Variants in GNA15 observed in about 807,000 individuals in gnomAD.
The protein encoded by GNA15 is guanine nucleotide-binding protein subunit alpha-15.
GNA15 carries 23 observed loss-of-function variants against 40.1 expected under a neutral mutation model. The observed-to-expected ratio is 0.57, with a 90% CI of 0.41 to 0.81. The LOEUF (loss-of-function observed/expected upper bound fraction) is 0.81, where lower values mean the gene tolerates loss of function less well. GNA15 is among the 40% of genes least tolerant of loss of function. The pLI, the probability that GNA15 is intolerant of heterozygous loss-of-function variation, is 0.00. For synonymous variants in GNA15, 226 were observed against 210.4 expected, an observed-to-expected ratio of 1.07 and a Z score of -0.64; for missense variants, 522 against 515.8, an observed-to-expected ratio of 1.01 and a Z score of -0.12.
At chr19:3,161,892 G>A (rs771118814) in intron 6 of GNA15, among the ~76,000 whole-genome samples, 51 of 151,786 alleles carry the variant, frequency 3.4e-4, no homozygotes, top group Non-Finnish European at 1.5e-4. Context: ...AATTAGCTGG[G>A]TGTGGTGGCG....
intron 6 of GNA15, 118 bp downstream of exon 6, chr19:3,157,999 C>T (rs1223523527): frequency 9.0e-6 from 7 of 779,066 alleles, no homozygotes; most frequent in Non-Finnish European, 1.5e-5. Context: ...AGGATCAGAC[C>T]CGCGTTCTAG....
Position 3,151,561 on chromosome 19 carries a change from C to T in GNA15, c.486-146C>T. 1 of 879,538 alleles carries T rather than the reference C, an allele frequency of 1.1e-6. No individual in the cohort carries two copies. Among genetic ancestry groups the T allele is most frequent in the Non-Finnish European group, 1.7e-6 (1 of 597,590 alleles). The allele number at this position is 879,538 out of a possible 1,614,324, so 54.5% of individuals were successfully genotyped here. On this transcript the variant is annotated intron_variant, in intron 3 of 6. Transcript: ENST00000262958. This position sits in a 1 kb window ranked among gnomAD's most constrained non-coding sequence, Gnocchi z 5.0. ...CCATTGCCTCAGGTGGGGGACGCTC[C>T]TGGGCCATCTGCCAACTCCAGGGAC...
At chr19:3,144,567 C>G (rs546996700) in intron 1 of GNA15, among the ~76,000 whole-genome samples, 13 of 152,072 alleles carry the variant, frequency 8.5e-5, no homozygotes, top group Non-Finnish European at 1.8e-4. Flanking sequence ...CTCGCTCTGT[C>G]ACCCAGGCTG....
intron 5 of GNA15, among the ~76,000 whole-genome samples, 161 bp from the exon 6 acceptor site, chr19:3,157,549 TGTCAGGCACACCCAGGCA>T (rs1167507231): frequency 6.6e-6 from 1 of 152,138 alleles, no homozygotes; most frequent in Non-Finnish European, 1.5e-5. Context: ...CACAAAACCA[TGTCAGGCACACCCAGGCA>T]GCTGTCCATA....
chr19:3,151,875 G>T lies in GNA15; in HGVS notation c.614+40G>T. On this transcript the variant is annotated intron_variant, in intron 4 of 6. Coordinates refer to ENST00000262958, the MANE Select transcript of GNA15 (RefSeq NM_002068.4). This position sits in a 1 kb window ranked among gnomAD's most constrained non-coding sequence, Gnocchi z 5.0. The stretch of plus-strand genomic sequence containing the variant: ...TAGGCCCAGCCTAGGGGGCAGGGAA[G>T]GCTTCCTGTAGGAAGGGCAAAGGAG... The T allele has an allele frequency of 6.6e-7, 1 of 1,508,258 alleles. No homozygotes were observed. The highest frequency in any genetic ancestry group is 9.0e-7 in the Non-Finnish European group (1 of 1,107,654). 93.4% of individuals were successfully genotyped at this position (1,508,258 alleles called of 1,614,324 possible).
intron 6 of GNA15, among the ~76,000 whole-genome samples, chr19:3,158,500 G>A (rs1614080): frequency 0.21 from 31,412 of 152,020 alleles, 3,452 homozygotes; most frequent in Non-Finnish European, 0.25. Flanking sequence ...TTTGAGCCAA[G>A]ATCCTTCAAG....
intron 2 of GNA15, 85 bp downstream of exon 2, chr19:3,148,860 C>T (rs1213875123): frequency 1.4e-6 from 2 of 1,388,858 alleles, no homozygotes; most frequent in African/African-American, 2.9e-5. Context: ...GCCAAGTTCC[C>T]CAGACTTCAG....
rs370928852 is a variant in GNA15, at chr19:3,151,864, G to C, written c.614+29G>C. The stretch of plus-strand genomic sequence containing the variant: ...AGCGCTCCACCTAGGCCCAGCCTAG[G>C]GGGCAGGGAAGGCTTCCTGTAGGAA... On this transcript the variant is annotated intron_variant, in intron 4 of 6. Transcript: ENST00000262958. This position sits in a 1 kb window ranked among gnomAD's most constrained non-coding sequence, Gnocchi z 5.0. 5 of 1,553,986 alleles carry C rather than the reference G, an allele frequency of 3.2e-6. No homozygotes were observed. The highest frequency in any genetic ancestry group is 3.5e-6 in the Non-Finnish European group (4 of 1,144,778).
intron 5 of GNA15, 133 bp downstream of exon 5, chr19:3,156,085 T>G (rs1048909019): frequency 2.5e-5 from 21 of 824,106 alleles, no homozygotes; most frequent in Non-Finnish European, 3.7e-5. Flanking sequence ...GGCTATGAAC[T>G]TGACCCTTCA....
At chr19:3,140,044 A>AAATCTATCT (rs71307196) in intron 1 of GNA15, among the ~76,000 whole-genome samples, 92 of 124,100 alleles carry the variant, frequency 7.4e-4, no homozygotes, top group African/African-American at 1.6e-3. Context: ...AAAAAAAAAA[A>AAATCTATCT]ATCTATCTAT....
intron 1 of GNA15, among the ~76,000 whole-genome samples, chr19:3,137,033 C>A (rs1188732466): frequency 6.6e-6 from 1 of 152,204 alleles, no homozygotes; most frequent in Non-Finnish European, 1.5e-5. Context: ...TACCTCCCTG[C>A]CATGGCTGGA....
chr19:3,157,468 C>CA (rs1334299187), intron 5 of GNA15, among the ~76,000 whole-genome samples: 2 of 152,210 alleles, frequency 1.3e-5, no homozygotes, highest in Non-Finnish European at 2.9e-5. Context: ...AATCTCTCTC[C>CA]AGATAAGGTC....
intron 4 of GNA15, among the ~76,000 whole-genome samples, chr19:3,153,938 T>A (rs1300365117): frequency 6.7e-6 from 1 of 148,480 alleles, no homozygotes; most frequent in Non-Finnish European, 1.5e-5. Flanking sequence ...AGTGAGTGGA[T>A]AGATGGGTAG....
intron 1 of GNA15, among the ~76,000 whole-genome samples, chr19:3,144,640 T>C (rs1329132203): frequency 6.6e-6 from 1 of 151,626 alleles, no homozygotes; most frequent in Admixed American, 6.6e-5. Context: ...GCCATTCTCC[T>C]GCCTCAGCCT....
At position 3,151,043 on chromosome 19, in the gene GNA15, AC is replaced by A. The variant is rs2144854393; in HGVS notation, c.486-661del. On this transcript the variant is annotated intron_variant, in intron 3 of 6. Coordinates refer to ENST00000262958, the MANE Select transcript of GNA15 (RefSeq NM_002068.4). The surrounding 1 kb of genome is among the most constrained non-coding windows in gnomAD (Gnocchi z 5.0). ...CTAGAGTGACCCTGTTCTTGGAGGG[AC>A]CCTGTTCCTGGGGGGACCTTGTTCC... 6.7e-6 allele frequency among the ~76,000 whole-genome samples: 1 copy of A among 148,708 alleles called. No homozygotes were observed. Among genetic ancestry groups the A allele is most frequent in the East Asian group, 2.0e-4 (1 of 5,008 alleles).
chr19:3,149,590 GAACA>G (rs1463755612), intron 2 of GNA15: 4 of 157,272 alleles, frequency 2.5e-5, no homozygotes, highest in African/African-American at 2.4e-5. Context: ...GCTTGTACAT[GAACA>G]AACACAGAGA....
At chr19:3,147,218 A>G (rs1462513228) in intron 1 of GNA15, among the ~76,000 whole-genome samples, 1 of 152,224 alleles carries the variant, frequency 6.6e-6, no homozygotes, top group African/African-American at 2.4e-5. Context: ...ACCTGAAATT[A>G]TTGTAGCAAA....
intron 5 of GNA15, among the ~76,000 whole-genome samples, chr19:3,156,829 A>C (rs1225489839): frequency 6.6e-6 from 1 of 152,088 alleles, no homozygotes; most frequent in African/African-American, 2.4e-5. Flanking sequence ...CCAGTCGTCT[A>C]GGATCAGGGC....
rs755751411 is a variant in GNA15 at position 3,155,827 on chromosome 19, G to A, written c.619G>A (p.Val207Met). 3 of 1,612,794 alleles carry A rather than the reference G, an allele frequency of 1.9e-6. No homozygotes were observed. Reference sequence around the variant, plus strand: ...GGGCACCTCGGTTCCCTGTAGGATCGTGGACGTCGGGGGCCAGAAGTCAGA... The same window carrying A: ...GGGCACCTCGGTTCCCTGTAGGATCATGGACGTCGGGGGCCAGAAGTCAGA... ...FSVQKTNLRI[V>M]DVGGQKSERK... The change falls in exon 5 of 7, where the codon GTG (valine) becomes ATG (methionine). Residue 207 changes from valine (V) to methionine (M), a missense_variant. Coordinates refer to ENST00000262958, the MANE Select transcript of GNA15 (RefSeq NM_002068.4). The surrounding 1 kb of genome is among the most constrained non-coding windows in gnomAD (Gnocchi z 5.6).
Sources: allele counts gnomAD v4.1 joint callset (sites outside exome capture counted in the v4.1 genomes callset), GRCh38; gene constraint gnomAD v4.1.1; non-coding constraint Gnocchi (gnomAD v3.1); transcripts MANE v1.5; gene names NCBI Gene and HGNC (gene_info 2026-07-23, HGNC 2026-07-21).